Variants in ZNF618 observed in about 807,000 individuals in gnomAD.
ZNF618 encodes the protein zinc finger protein 618.
In ZNF618, 34 loss-of-function variants were observed where a neutral mutation model predicts 103.0. The ratio of observed to expected loss-of-function variants is 0.33; its 90% CI spans 0.25 to 0.44. The LOEUF is 0.44. Ranked by LOEUF, ZNF618 falls within the 20% of genes least tolerant of loss-of-function variation. The pLI, the probability that ZNF618 is intolerant of heterozygous loss-of-function variation, is 1.00. For missense variants in ZNF618, 1,059 were observed against 1,295.4 expected, an observed-to-expected ratio of 0.82 and a Z score of 2.80; for synonymous variants, 551 against 542.2, an observed-to-expected ratio of 1.02 and a Z score of -0.23.
At chr9:113,997,990 T>C (rs1840789337) in intron 3 of ZNF618, among the ~76,000 whole-genome samples, 1 of 152,244 alleles carries the variant, frequency 6.6e-6, no homozygotes, top group East Asian at 1.9e-4. Flanking sequence ...GTAGAAATTG[T>C]GTGTTCTAAC....
intron 1 of ZNF618, among the ~76,000 whole-genome samples, chr9:113,940,574 A>G (rs1210733373): frequency 6.9e-6 from 1 of 145,520 alleles, no homozygotes; most frequent in Non-Finnish European, 1.5e-5. Context: ...GTCAGTTAAA[A>G]TTTTGGGGGG....
chr9:114,032,543 G>T, intron 11 of ZNF618, 102 bp from the exon 12 acceptor site: 1 of 1,020,072 alleles, frequency 9.8e-7, no homozygotes, highest in Non-Finnish European at 1.5e-6. Context: ...AGAGCTAGTT[G>T]GCCCAGCAGA....
rs1243817659 is a variant in ZNF618, at chr9:114,049,595, G to T, written c.2293G>T (p.Val765Phe). 6.2e-7 allele frequency: 1 copy of T among 1,613,720 alleles called. No homozygotes were observed. The highest frequency in any genetic ancestry group is 8.5e-7 in the Non-Finnish European group (1 of 1,179,910). ...CCTGCAGCTGGTGCTGCCCACCTAC[G>T]TCAGGCTGGAGAAGCTGTTCACGGC... is the stretch of plus-strand genomic sequence containing the variant. ...PTLQLVLPTY[V>F]RLEKLFTAKA... The change falls in exon 15 of 15, where the codon GTC becomes TTC. Residue 765 changes from valine to phenylalanine, a missense_variant. By Grantham distance (50) the Val-to-Phe change is conservative (BLOSUM62 -1). Transcript: ENST00000374126.
At position 113,998,364 on chromosome 9, in the gene ZNF618, G is replaced by A. The variant is rs1840837239; in HGVS notation, c.433+10G>A. 5 of 1,549,602 alleles carry A rather than the reference G, an allele frequency of 3.2e-6. No homozygotes were observed. The highest frequency in any genetic ancestry group is 4.4e-6 in the Non-Finnish European group (5 of 1,146,522). ...TTGAGATATGCATCTGGTACGTGAT[G>A]GCCAAGGGGTAGTGCCTGATCCGGG... On this transcript the variant is annotated intron_variant, in intron 4 of 14. Transcript: ENST00000374126.
At chr9:114,007,508 G>A in intron 7 of ZNF618, 69 bp downstream of exon 7, 1 of 1,446,426 alleles carries the variant, frequency 6.9e-7, no homozygotes, top group Non-Finnish European at 9.5e-7. Flanking sequence ...CCAGCCCCCA[G>A]CCCTCCCCGC....
Position 114,008,508 on chromosome 9 carries a change from C to T in ZNF618, c.708C>T (p.Asp236=), listed in dbSNP as rs753142592. The part of the protein sequence containing the change: ...DPFDQGVVAT[D]EVKEEPPEPF... ...TCGACCAAGGTGTCGTGGCCACGGA[C>T]GAGGTGAAGGAGGAGCCCCCGGAGC... Residue 236 remains aspartate, a synonymous_variant, in exon 9 of 15, where the codon GAC becomes GAT. Transcript: ENST00000374126. 13 of 1,613,794 alleles carry T rather than the reference C, an allele frequency of 8.1e-6. No homozygotes were observed. The highest frequency in any genetic ancestry group is 1.1e-5 in the South Asian group (1 of 91,080).
intron 1 of ZNF618, among the ~76,000 whole-genome samples, chr9:113,934,851 A>C (rs1200404303): frequency 6.6e-6 from 1 of 152,138 alleles, no homozygotes; most frequent in African/African-American, 2.4e-5. Context: ...GAGCATGGAG[A>C]GGCTGGGGAC....
intron 1 of ZNF618, among the ~76,000 whole-genome samples, chr9:113,951,557 G>A (rs1446921688): frequency 1.0e-4 from 4 of 38,148 alleles, no homozygotes; most frequent in East Asian, 2.2e-3. Context: ...ACATATGTGT[G>A]TGTATATGTG....
intron 3 of ZNF618, among the ~76,000 whole-genome samples, chr9:113,990,052 T>C (rs966266168): frequency 3.4e-4 from 52 of 152,340 alleles, no homozygotes; most frequent in African/African-American, 1.3e-3. Flanking sequence ...TTCCCAGACC[T>C]TTCATTCCAG....
intron 1 of ZNF618, among the ~76,000 whole-genome samples, chr9:113,938,372 A>T (rs543283332): frequency 2.7e-5 from 4 of 150,842 alleles, no homozygotes; most frequent in South Asian, 2.1e-4. Flanking sequence ...GTAAGGACAG[A>T]GTCTTACTAT....
Position 114,051,527 on chromosome 9 carries a change from A to G in ZNF618, c.*1360A>G, listed in dbSNP as rs1305082306. On this transcript the variant is annotated 3_prime_UTR_variant, in exon 15 of 15. Coordinates refer to ENST00000374126, the MANE Select transcript of ZNF618 (RefSeq NM_001318042.2). ...TCCACAGCGACTCCGAAGTCAGCCC[A>G]TAGTCACATCCACCACACCTCAGAC... 1.3e-5 allele frequency: 2 copies of G among 153,464 alleles called. No individual in the cohort carries two copies. The highest frequency in any genetic ancestry group is 2.4e-5 in the African/African-American group (1 of 41,420). The allele number at this position is 153,464 out of a possible 1,614,324, so 9.5% of individuals were successfully genotyped here.
At chr9:113,878,729 A>G (rs1453635966) in intron 1 of ZNF618, among the ~76,000 whole-genome samples, 1 of 152,180 alleles carries the variant, frequency 6.6e-6, no homozygotes, top group African/African-American at 2.4e-5. Flanking sequence ...ATGGTGGGTC[A>G]CCTGGGGCAA....
At chr9:114,012,035 AAG>A (rs368708205) in intron 9 of ZNF618, among the ~76,000 whole-genome samples, 3 of 152,056 alleles carry the variant, frequency 2.0e-5, no homozygotes, top group East Asian at 3.9e-4. Flanking sequence ...AAAAAAAAAA[AAG>A]AGAGAACTAT....
rs772568734 is a variant in ZNF618 at position 114,049,078 on chromosome 9, T to C, written c.1776T>C (p.Gly592=). 7 of 1,613,852 alleles carry C rather than the reference T, an allele frequency of 4.3e-6. No individual in the cohort carries two copies. The Admixed American group carries it at 1.2e-4, about 27-fold the overall frequency. Residue 592 remains glycine (G), a synonymous_variant, in exon 15 of 15, where the codon GGT becomes GGC. Transcript: ENST00000374126. The part of the protein sequence containing the change: ...GVKGADIRDS[G]DLVHHWVQNV... Reference sequence around the variant, plus strand: ...AGGGTGCGGACATTCGCGACAGCGGTGACCTTGTGCACCACTGGGTGCAGA... The same window carrying C: ...AGGGTGCGGACATTCGCGACAGCGGCGACCTTGTGCACCACTGGGTGCAGA...
intron 1 of ZNF618, among the ~76,000 whole-genome samples, chr9:113,935,028 G>A (rs1047150182): frequency 6.6e-6 from 1 of 152,224 alleles, no homozygotes; most frequent in African/African-American, 2.4e-5. Flanking sequence ...AGCCCAAGGG[G>A]CATAAGACCC....
At chr9:113,898,920 C>A (rs747164611) in intron 1 of ZNF618, among the ~76,000 whole-genome samples, 1 of 152,114 alleles carries the variant, frequency 6.6e-6, no homozygotes, top group East Asian at 1.9e-4. Context: ...AAAGCCCTAG[C>A]TGGAAGTAGC....
At chr9:114,036,716 G>T (rs75210355) in intron 13 of ZNF618, among the ~76,000 whole-genome samples, 3,266 of 152,314 alleles carry the variant, frequency 0.021, 122 homozygotes, top group African/African-American at 0.075. Context: ...GGTGGAAATG[G>T]AACATGGTTT....
chr9:113,997,326 C>T (rs139200322), intron 3 of ZNF618, among the ~76,000 whole-genome samples: 1 of 152,082 alleles, frequency 6.6e-6, no homozygotes, highest in South Asian at 2.1e-4. Context: ...CCAGGCTGGT[C>T]TTGAACTCAT....
chr9:114,014,218 A>G (rs115685262), intron 9 of ZNF618, among the ~76,000 whole-genome samples: 3,092 of 152,324 alleles, frequency 0.02, 121 homozygotes, highest in African/African-American at 0.07. Flanking sequence ...TTATAGCAAT[A>G]AAAGCAAATG....
Sources: allele counts gnomAD v4.1 joint callset (sites outside exome capture counted in the v4.1 genomes callset), GRCh38; gene constraint gnomAD v4.1.1; transcripts MANE v1.5; gene names NCBI Gene and HGNC (gene_info 2026-07-23, HGNC 2026-07-21).